The following CBFA2T3 variants were observed in gnomAD, a reference collection of about 807,000 sequenced individuals.
CBFA2T3 encodes transcriptional corepressor CBFA2T3.
CBFA2T3 carries 31 observed loss-of-function variants against 58.6 expected under a neutral mutation model. That is an observed-to-expected ratio of 0.53 (90% CI 0.40 to 0.71). The LOEUF (loss-of-function observed/expected upper bound fraction) is 0.71. Among genes scored for constraint, CBFA2T3 ranks in the 30% least tolerant of loss-of-function variants. The probability of loss-of-function intolerance (pLI) is 0.00; values close to 1 mark genes in which losing one functional copy is unlikely to be tolerated. For synonymous variants in CBFA2T3, 531 were observed against 421.9 expected, an observed-to-expected ratio of 1.26 and a Z score of -3.17; for missense variants, 1,076 against 963.1, an observed-to-expected ratio of 1.12 and a Z score of -1.55.
At chr16:88,962,595 G>A (rs1232525992) in intron 1 of CBFA2T3, among the ~76,000 whole-genome samples, 1 of 152,210 alleles carries the variant, frequency 6.6e-6, no homozygotes, top group East Asian at 1.9e-4. Context: ...GATCACCAAA[G>A]GGCACATTTG....
At chr16:88,942,532 T>G (rs1971778393) in intron 1 of CBFA2T3, among the ~76,000 whole-genome samples, 1 of 152,116 alleles carries the variant, frequency 6.6e-6, no homozygotes. Context: ...GTCCCTCTCA[T>G]GGACTTGGCT....
intron 1 of CBFA2T3, chr16:88,937,796 C>G (rs1001221999): frequency 6.6e-6 from 1 of 152,304 alleles, no homozygotes; most frequent in African/African-American, 2.4e-5. Context: ...CACTGGAGGA[C>G]AGGCACTTTT....
chr16:88,901,474 G>T, intron 2 of CBFA2T3, 30 bp downstream of exon 2: 1 of 1,322,550 alleles, frequency 7.6e-7, no homozygotes, highest in South Asian at 1.5e-5. Context: ...GAAACACCTG[G>T]CCCTCGGCTG....
rs949784736 is a variant in CBFA2T3 at position 88,893,896 on chromosome 16, C to T, written c.380-1411G>A. 8.5e-5 allele frequency among the ~76,000 whole-genome samples: 13 copies of T among 152,300 alleles called. No individual in the cohort carries two copies. In the South Asian group the frequency reaches 1.2e-3, roughly 15 times the overall value. ...CCTCAGGAGCCTGAGGGGCGGCCTC[C>T]AGGCTCTGAAGGCAGGTCAGAGGTC... is the stretch of plus-strand genomic sequence containing the variant. On this transcript the variant is annotated intron_variant, in intron 3 of 11. Coordinates refer to ENST00000268679, the MANE Select transcript of CBFA2T3 (RefSeq NM_005187.6).
At chr16:88,893,345 T>C (rs957598995) in intron 3 of CBFA2T3, among the ~76,000 whole-genome samples, 1 of 148,900 alleles carries the variant, frequency 6.7e-6, no homozygotes, top group African/African-American at 2.5e-5. Flanking sequence ...CAATATGCGC[T>C]GCAGGTGCTT....
At chr16:88,970,321 G>A (rs533338361) in intron 1 of CBFA2T3, among the ~76,000 whole-genome samples, 18 of 152,328 alleles carry the variant, frequency 1.2e-4, no homozygotes, top group Middle Eastern at 3.4e-3. Context: ...GCAAGGAGAC[G>A]GAGAGGTGGG....
At chr16:88,925,628 ACT>A (rs1971061964) in intron 1 of CBFA2T3, among the ~76,000 whole-genome samples, 1 of 152,064 alleles carries the variant, frequency 6.6e-6, no homozygotes, top group Admixed American at 6.5e-5. Flanking sequence ...CACCTGGATG[ACT>A]CTGAATGCTG....
rs4782496 is a variant in CBFA2T3, at chr16:88,953,445, A to G, written c.151+23212T>C. On this transcript the variant is annotated intron_variant, in intron 1 of 11. Coordinates refer to ENST00000268679, the MANE Select transcript of CBFA2T3 (RefSeq NM_005187.6). This position sits in a 1 kb window ranked among gnomAD's most constrained non-coding sequence, Gnocchi z 4.9. ...GTCCAGAGGCCAGCATAGCCCTCAA[A>G]ACGGTTCCCACAGCTCCCAGCGGAG... Among the ~76,000 whole-genome samples, 37,542 of 152,098 alleles carry G rather than the reference A, an allele frequency of 0.25. 5,543 individuals carry two copies. The highest frequency in any genetic ancestry group is 0.44 in the Middle Eastern group (129 of 294).
chr16:88,951,121 G>A (rs1972058680), intron 1 of CBFA2T3: 2 of 367,440 alleles, frequency 5.4e-6, no homozygotes, highest in Non-Finnish European at 1.1e-5. Context: ...GTTGGCACCT[G>A]TCTTCCGGAT....
At chr16:88,975,112 G>T (rs965186483) in intron 1 of CBFA2T3, among the ~76,000 whole-genome samples, 5 of 46,302 alleles carry the variant, frequency 1.1e-4, no homozygotes, top group Admixed American at 2.7e-4. Flanking sequence ...TGTGTTAGAG[G>T]CCACCCTGGC....
At chr16:88,919,786 A>T (rs1970853081) in intron 1 of CBFA2T3, among the ~76,000 whole-genome samples, 1 of 152,150 alleles carries the variant, frequency 6.6e-6, no homozygotes, top group South Asian at 2.1e-4. Context: ...GTGTCGCTCC[A>T]CGTAATCCGT....
intron 1 of CBFA2T3, chr16:88,938,412 G>A (rs1210217171): frequency 1.3e-5 from 2 of 152,494 alleles, no homozygotes; most frequent in East Asian, 3.8e-4. Flanking sequence ...CCGTCAGACT[G>A]GCTCCCTGCA....
At chr16:88,915,920 A>G (rs1567605568) in intron 1 of CBFA2T3, among the ~76,000 whole-genome samples, 1 of 152,004 alleles carries the variant, frequency 6.6e-6, no homozygotes, top group Non-Finnish European at 1.5e-5. Context: ...TCTATCCATT[A>G]GGCATGTGTG....
chr16:88,931,025 C>T (rs1001680914), intron 1 of CBFA2T3, among the ~76,000 whole-genome samples: 3 of 151,982 alleles, frequency 2.0e-5, no homozygotes. Flanking sequence ...TGTATTTTCC[C>T]ACAATTAAAA....
Position 88,892,333 on chromosome 16 carries a change from T to C in CBFA2T3, c.532A>G (p.Lys178Glu). 1 of 1,613,110 alleles carries C rather than the reference T, an allele frequency of 6.2e-7. No homozygotes were observed. Among genetic ancestry groups the C allele is most frequent in the Non-Finnish European group, 8.5e-7 (1 of 1,179,866 alleles). Residue 178 changes from lysine to glutamate, a missense_variant, in exon 4 of 12, where the codon AAG becomes GAG. Lys to Glu is a moderately conservative substitution (Grantham distance 56). Transcript: ENST00000268679. ...ACGARQLSKL[K>E]RFLTTLQQFG... ...TGCTGCAGTGTGGTGAGGAAGCGCT[T>C]GAGCTTGCTGAGCTGCCGGGCCCCG...
At position 88,875,276 on chromosome 16, in the gene CBFA2T3, A is replaced by G. The variant is rs1042480882; in HGVS notation, c.*1700T>C. Reference sequence around the variant, plus strand: ...GTCCTTGTACTCGGTGCAAGCATGAATTTCTTTATCCCTTTATTTCCTTCT... The same window carrying G: ...GTCCTTGTACTCGGTGCAAGCATGAGTTTCTTTATCCCTTTATTTCCTTCT... On this transcript the variant is annotated 3_prime_UTR_variant, in exon 12 of 12. Coordinates refer to ENST00000268679, the MANE Select transcript of CBFA2T3 (RefSeq NM_005187.6). 7.2e-6 allele frequency: 1 copy of G among 138,454 alleles called. No individual in the cohort carries two copies. The highest frequency in any genetic ancestry group is 1.5e-5 in the Non-Finnish European group (1 of 65,976). The allele number at this position is 138,454 out of a possible 1,614,324, so 8.6% of individuals were successfully genotyped here. A position where few individuals can be genotyped will look rare whatever the true frequency, so the allele number is the denominator to read the frequency against.
chr16:88,931,507 G>A (rs1048126707), intron 1 of CBFA2T3, among the ~76,000 whole-genome samples: 2 of 152,192 alleles, frequency 1.3e-5, no homozygotes, highest in Non-Finnish European at 2.9e-5. Context: ...CCAAGGACGA[G>A]CCAGAGGTGG....
At chr16:88,912,052 A>G (rs1970549080) in intron 1 of CBFA2T3, among the ~76,000 whole-genome samples, 1 of 152,264 alleles carries the variant, frequency 6.6e-6, no homozygotes, top group Non-Finnish European at 1.5e-5. Context: ...GAACCGTAGC[A>G]GACGAAAATC....
At chr16:88,906,469 C>T (rs534441585) in intron 1 of CBFA2T3, among the ~76,000 whole-genome samples, 14 of 151,780 alleles carry the variant, frequency 9.2e-5, no homozygotes, top group African/African-American at 2.4e-4. Context: ...TCCAGACACA[C>T]GGAGGTGAAT....
Sources: allele counts gnomAD v4.1 joint callset (sites outside exome capture counted in the v4.1 genomes callset), GRCh38; gene constraint gnomAD v4.1.1; non-coding constraint Gnocchi (gnomAD v3.1); transcripts MANE v1.5; gene names NCBI Gene and HGNC (gene_info 2026-07-23, HGNC 2026-07-21).